Variants in SECISBP2 observed in about 807,000 individuals in gnomAD.
SECISBP2 encodes the protein SECIS binding protein 2, also known as selenocysteine insertion sequence-binding protein 2.
A neutral mutation model predicts 98.2 loss-of-function variants in SECISBP2; 96 were observed. The observed-to-expected ratio is 0.98, with a 90% CI of 0.83 to 1.16. SECISBP2 has a LOEUF of 1.16. SECISBP2 is among the 50% of genes most tolerant of loss of function. The pLI, the probability that SECISBP2 is intolerant of heterozygous loss-of-function variation, is 0.00. For synonymous variants in SECISBP2, 407 were observed against 370.2 expected (o/e 1.10, Z -1.14); for missense variants, 1,046 against 1,022.9 (o/e 1.02, Z -0.31).
downstream of SECISBP2, among the ~76,000 whole-genome samples, chr9:89,362,960 T>A (rs1459125038): frequency 2.6e-5 from 4 of 152,186 alleles, no homozygotes; most frequent in African/African-American, 9.7e-5. Context: ...TTCCATGCTG[T>A]AGCCCAGTTC....
downstream of SECISBP2, chr9:89,362,370 T>A: frequency 6.2e-7 from 1 of 1,614,002 alleles, no homozygotes; most frequent in Non-Finnish European, 8.5e-7. Context: ...TTGTTGGGGT[T>A]GAGGTCGGTG....
At chr9:89,346,795 G>A in intron 10 of SECISBP2, 87 bp from the exon 11 acceptor site, 1 of 1,528,780 alleles carries the variant, frequency 6.5e-7, no homozygotes, top group Non-Finnish European at 9.0e-7. Context: ...CAGATACCCT[G>A]AGGCAGCCCC....
chr9:89,363,996 C>T (rs749680588), downstream of SECISBP2: 1 of 1,613,640 alleles, frequency 6.2e-7, no homozygotes, highest in African/African-American at 1.3e-5. Context: ...ATTTAGGACC[C>T]AAAGAAGCTG....
downstream of SECISBP2, chr9:89,360,837 C>T (rs1394551896): frequency 1.3e-5 from 2 of 152,208 alleles, no homozygotes. Context: ...CAAAGAAAGA[C>T]TCAGAAATTC....
At chr9:89,350,908 G>A in intron 14 of SECISBP2, 56 bp downstream of exon 14, 1 of 1,453,250 alleles carries the variant, frequency 6.9e-7, no homozygotes, top group African/African-American at 1.4e-5. Flanking sequence ...TGCCTAGTGT[G>A]CCCTCGTGTT....
intron 1 of SECISBP2, chr9:89,318,930 T>C: frequency 8.3e-7 from 1 of 1,204,700 alleles, no homozygotes; most frequent in South Asian, 3.4e-5. Flanking sequence ...CCCGCGCTCT[T>C]GGGAACGGAT....
In SECISBP2 at chr9:89,346,926, A is replaced by G; in HGVS notation, c.1480A>G (p.Arg494Gly). The change falls in exon 11 of 17, where the codon AGA becomes GGA. Residue 494 changes from arginine (R) to glycine (G), a missense_variant. Transcript: ENST00000375807. ...VLSKECASGERGRRMSQMKTP... is the reference protein window; with the variant it reads ...VLSKECASGEGGRRMSQMKTP... ...TTCCAAAGAATGTGCATCAGGGGAG[A>G]GAGGCCGCCGCATGAGTCAAATGAA... The G allele has an allele frequency of 1.2e-6, 2 of 1,614,132 alleles. No individual in the cohort carries two copies. Among genetic ancestry groups the G allele is most frequent in the East Asian group, 4.5e-5 (2 of 44,878 alleles).
At chr9:89,335,950 T>G (rs1467911844) in intron 7 of SECISBP2, among the ~76,000 whole-genome samples, 1 of 152,156 alleles carries the variant, frequency 6.6e-6, no homozygotes, top group African/African-American at 2.4e-5. Flanking sequence ...AGAGTACTAG[T>G]AGCAAAATAA....
At chr9:89,355,478 C>T in intron 14 of SECISBP2, 1 of 952,524 alleles carries the variant, frequency 1.0e-6, no homozygotes, top group Non-Finnish European at 1.2e-6. Flanking sequence ...ATATTTGTTG[C>T]CCATTTGCTT....
intron 11 of SECISBP2, among the ~76,000 whole-genome samples, chr9:89,347,779 G>A (rs1056387819): frequency 1.3e-5 from 2 of 152,134 alleles, no homozygotes; most frequent in African/African-American, 4.8e-5. Context: ...GCCTCCCTCC[G>A]GTGAATTCTT....
chr9:89,362,507 G>T, downstream of SECISBP2: 3 of 1,613,104 alleles, frequency 1.9e-6, no homozygotes, highest in Non-Finnish European at 2.5e-6. Flanking sequence ...CTGTCTCATA[G>T]CCCATCCCAG....
chr9:89,338,333 C>T, intron 7 of SECISBP2, 125 bp from the exon 8 acceptor site: 1 of 1,158,450 alleles, frequency 8.6e-7, no homozygotes, highest in Non-Finnish European at 1.2e-6. Flanking sequence ...GATGAGGAAC[C>T]TAATTCTGAA....
At chr9:89,363,345 G>T, downstream of SECISBP2, 2 of 1,573,352 alleles carry the variant, frequency 1.3e-6, no homozygotes, top group South Asian at 1.1e-5. Flanking sequence ...ATGCTGAATG[G>T]GGCCCTTGAA....
intron 14 of SECISBP2, chr9:89,354,932 C>A (rs1038822390): frequency 4.0e-5 from 39 of 985,292 alleles, no homozygotes; most frequent in South Asian, 4.7e-5. Context: ...ACGGAACACT[C>A]CACCCCACCT....
chr9:89,350,664 A>G lies in SECISBP2; in HGVS notation c.1925A>G (p.Asp642Gly). ...YCSQMLSKEVDACVTDLLKEL... is the reference protein window; with the variant it reads ...YCSQMLSKEVGACVTDLLKEL... ...AGCCAGATGCTTAGTAAAGAAGTGG[A>G]TGCTTGTGTTACCGACCTACTCAAA... Residue 642 changes from aspartate to glycine, a missense_variant, in exon 14 of 17, where the codon GAT (aspartate) becomes GGT (glycine). By Grantham distance (94) the Asp-to-Gly change is moderately conservative. Coordinates refer to ENST00000375807, the MANE Select transcript of SECISBP2 (RefSeq NM_024077.5). 6.2e-7 allele frequency: 1 copy of G among 1,614,144 alleles called. No individual in the cohort carries two copies. The highest frequency in any genetic ancestry group is 8.5e-7 in the Non-Finnish European group (1 of 1,179,988).
In SECISBP2 at chr9:89,358,771, C is replaced by T. The variant is rs777367640; in HGVS notation, c.2512C>T (p.Leu838=). 2 of 1,613,860 alleles carry T rather than the reference C, an allele frequency of 1.2e-6. No individual in the cohort carries two copies. Among genetic ancestry groups the T allele is most frequent in the African/African-American group, 2.7e-5 (2 of 74,922 alleles). ...LEAYSGCTLE[L]EESLEASTSQ... Reference sequence around the variant, plus strand: ...AGCATACAGTGGATGTACCCTGGAGCTAGAAGAATCCTTGGAGGCTTCAAC... The same window carrying T: ...AGCATACAGTGGATGTACCCTGGAGTTAGAAGAATCCTTGGAGGCTTCAAC... Residue 838 remains leucine, a synonymous_variant, in exon 17 of 17, where the codon CTA becomes TTA. Transcript: ENST00000375807.
chr9:89,352,909 C>A (rs534001458), intron 14 of SECISBP2, among the ~76,000 whole-genome samples: 3 of 151,446 alleles, frequency 2.0e-5, no homozygotes, highest in East Asian at 3.9e-4. Flanking sequence ...ATGCCTAGTT[C>A]CTCTCCCTGC....
chr9:89,319,050 A>G (rs1437559955), intron 1 of SECISBP2: 3 of 1,013,244 alleles, frequency 3.0e-6, no homozygotes, highest in Non-Finnish European at 3.5e-6. Context: ...TTTTAGACCC[A>G]TAAAATTCTC....
chr9:89,354,848 G>A (rs938178343), intron 14 of SECISBP2: 9 of 985,254 alleles, frequency 9.1e-6, no homozygotes, highest in Non-Finnish European at 9.6e-6. Flanking sequence ...AGATGCATCT[G>A]ATGTTACGGG....
Sources: gnomAD v4.1 joint callset for allele counts (sites outside exome capture counted in the v4.1 genomes callset) on GRCh38, gnomAD v4.1.1 for gene constraint, MANE v1.5 for transcripts, NCBI Gene and HGNC (gene_info 2026-07-23, HGNC 2026-07-21) for gene names.